Variants in CEP63 observed in about 807,000 individuals in gnomAD.
CEP63 encodes the protein centrosomal protein of 63 kDa.
CEP63 carries 84 observed loss-of-function variants against 89.1 expected under a neutral mutation model. The ratio of observed to expected loss-of-function variants is 0.94; its 90% CI spans 0.79 to 1.13. CEP63 has a LOEUF of 1.13. CEP63 is among the 50% of genes most tolerant of loss of function. The pLI is 0.00. For missense variants in CEP63, 838 were observed against 813.3 expected (o/e 1.03, Z -0.37); for synonymous variants, 267 against 272.5 (o/e 0.98, Z 0.20).
chr3:134,504,877 C>T (rs1016162219), intron 2 of CEP63, among the ~76,000 whole-genome samples: 2 of 152,042 alleles, frequency 1.3e-5, no homozygotes, highest in East Asian at 1.9e-4. Flanking sequence ...CAGAAATTCT[C>T]GTACTTGTTT....
chr3:134,775,354 G>A, the CEP63 span, among the ~76,000 whole-genome samples: 1 of 152,216 alleles, frequency 6.6e-6, no homozygotes, highest in Non-Finnish European at 1.5e-5. Context: ...CCAGAGCACA[G>A]ATTGTAACAA....
At chr3:134,585,483 T>A (rs1465332192) in intron 10 of CEP63, among the ~76,000 whole-genome samples, 1 of 152,192 alleles carries the variant, frequency 6.6e-6, no homozygotes, top group Non-Finnish European at 1.5e-5. Context: ...TCAGTTTCCA[T>A]GTAGTTGTTT....
At chr3:134,615,621 A>T in the CEP63 span, among the ~76,000 whole-genome samples, 1 of 150,704 alleles carries the variant, frequency 6.6e-6, no homozygotes, top group Non-Finnish European at 1.5e-5. Context: ...TGCACCAGTG[A>T]CATAACTCAT....
the CEP63 span, among the ~76,000 whole-genome samples, chr3:134,731,297 A>G: frequency 6.1e-4 from 93 of 152,262 alleles, no homozygotes; most frequent in African/African-American, 1.9e-3. Context: ...ATAGCAAGAA[A>G]TTGGGGCATA....
chr3:134,513,611 C>T (rs1945507262), intron 3 of CEP63, among the ~76,000 whole-genome samples: 1 of 152,102 alleles, frequency 6.6e-6, no homozygotes, highest in African/African-American at 2.4e-5. Flanking sequence ...ATAAAGAAGG[C>T]AGCCGAGAGG....
the CEP63 span, chr3:134,650,917 A>G: frequency 2.5e-6 from 4 of 1,613,280 alleles, no homozygotes; most frequent in Non-Finnish European, 3.4e-6. Context: ...CACGATCAGC[A>G]GCATGTCGAT....
At chr3:134,733,773 C>T in the CEP63 span, among the ~76,000 whole-genome samples, 1 of 150,608 alleles carries the variant, frequency 6.6e-6, no homozygotes, top group African/African-American at 2.5e-5. Flanking sequence ...CCTGGCCTTG[C>T]CAAGACCTTG....
the CEP63 span, among the ~76,000 whole-genome samples, chr3:134,652,228 G>T: frequency 6.6e-6 from 1 of 152,100 alleles, no homozygotes; most frequent in Non-Finnish European, 1.5e-5. Context: ...AATGTAAGGC[G>T]CCTGGTGTAT....
chr3:134,490,038 G>T (rs1937079828), intron 1 of CEP63, among the ~76,000 whole-genome samples: 1 of 151,966 alleles, frequency 6.6e-6, no homozygotes, highest in Admixed American at 6.6e-5. Context: ...ATAGATTTCT[G>T]GTCTTCAAGG....
chr3:134,586,935 T>A (rs1316451052), intron 10 of CEP63, among the ~76,000 whole-genome samples: 1 of 152,184 alleles, frequency 6.6e-6, no homozygotes, highest in African/African-American at 2.4e-5. Flanking sequence ...CTTTATTTCA[T>A]TAATTTGATC....
the CEP63 span, among the ~76,000 whole-genome samples, chr3:134,687,103 G>C: frequency 2.1e-4 from 32 of 152,196 alleles, no homozygotes; most frequent in African/African-American, 7.5e-4. Flanking sequence ...GACCCACAAT[G>C]GTCCTACAAG....
the CEP63 span, among the ~76,000 whole-genome samples, chr3:134,609,829 CCTGGTAATGTGGT>C: frequency 6.6e-6 from 1 of 152,192 alleles, no homozygotes; most frequent in Admixed American, 6.5e-5. Flanking sequence ...GGCATTTGTG[CCTGGTAATGTGGT>C]CAATGGCCAA....
At chr3:134,519,336 G>GGGGT (rs1212678745) in intron 3 of CEP63, among the ~76,000 whole-genome samples, 1 of 151,194 alleles carries the variant, frequency 6.6e-6, no homozygotes, top group Non-Finnish European at 1.5e-5. Flanking sequence ...GTTTCACCAT[G>GGGGT]TTGGTCAGGC....
chr3:134,501,030 T>G (rs1156243818), intron 2 of CEP63, among the ~76,000 whole-genome samples: 1 of 152,156 alleles, frequency 6.6e-6, no homozygotes, highest in East Asian at 1.9e-4. Context: ...TGAGGAAGTG[T>G]AGGGGTTGAG....
At position 134,535,188 on chromosome 3, in the gene CEP63, T is replaced by C. The variant is rs193049988; in HGVS notation, c.442-1967T>C. On this transcript the variant is annotated intron_variant, in intron 5 of 14. Coordinates refer to ENST00000675561, the MANE Select transcript of CEP63 (RefSeq NM_001353108.3). The stretch of plus-strand genomic sequence containing the variant: ...ACTAAAAAATTACTTCAGTCATCTA[T>C]ACTTGTCTCCAGTTCCTCTTGTCTC... 1.2e-4 allele frequency among the ~76,000 whole-genome samples: 18 copies of C among 152,356 alleles called. No individual in the cohort carries two copies. In the East Asian group the frequency reaches 3.1e-3, roughly 26 times the overall value.
the CEP63 span, among the ~76,000 whole-genome samples, chr3:134,737,089 A>G: frequency 6.6e-6 from 1 of 152,222 alleles, no homozygotes; most frequent in Non-Finnish European, 1.5e-5. Context: ...ATATGAAGTC[A>G]ATTGTTATTT....
At chr3:134,675,469 A>G in the CEP63 span, among the ~76,000 whole-genome samples, 15 of 152,322 alleles carry the variant, frequency 9.8e-5, no homozygotes, top group Non-Finnish European at 1.5e-5. Flanking sequence ...GATCTTGGAT[A>G]AACAACCATT....
chr3:134,618,689 G>A, the CEP63 span, among the ~76,000 whole-genome samples: 5 of 152,178 alleles, frequency 3.3e-5, no homozygotes, highest in East Asian at 1.9e-4. Context: ...AAGAGTAGCC[G>A]CTTCGTAGTG....
the CEP63 span, among the ~76,000 whole-genome samples, chr3:134,606,289 G>T: frequency 5.9e-5 from 9 of 152,226 alleles, no homozygotes; most frequent in Non-Finnish European, 1.2e-4. Flanking sequence ...CGTCCACCTG[G>T]CTACTCCTGG....
Sources: gnomAD v4.1 joint callset for allele counts (sites outside exome capture counted in the v4.1 genomes callset) on GRCh38, gnomAD v4.1.1 for gene constraint, MANE v1.5 for transcripts, NCBI Gene and HGNC (gene_info 2026-07-23, HGNC 2026-07-21) for gene names.